SMAP1: variants seen among roughly 807,000 people sequenced by gnomAD.
SMAP1 encodes stromal membrane-associated protein 1.
SMAP1 carries 24 observed loss-of-function variants against 58.5 expected under a neutral mutation model. The observed-to-expected ratio is 0.41, with a 90% CI of 0.30 to 0.58. The LOEUF (loss-of-function observed/expected upper bound fraction) is 0.58, where lower values mean the gene tolerates loss of function less well. SMAP1 is among the 20% of genes least tolerant of loss of function. SMAP1 has a pLI of 0.29. For missense variants in SMAP1, 563 were observed against 566.3 expected, an observed-to-expected ratio of 0.99 and a Z score of 0.06; for synonymous variants, 216 against 196.6, an observed-to-expected ratio of 1.10 and a Z score of -0.82.
chr6:70,765,615 A>C (rs1302684995), intron 3 of SMAP1, among the ~76,000 whole-genome samples: 2 of 152,160 alleles, frequency 1.3e-5, no homozygotes, highest in Non-Finnish European at 2.9e-5. Context: ...AAAAACAACA[A>C]ATATGATGGG....
At chr6:70,858,991 G>A (rs923306177) in intron 10 of SMAP1, 1 of 180,598 alleles carries the variant, frequency 5.5e-6, no homozygotes, top group Non-Finnish European at 1.2e-5. Context: ...TCTTAGAGAG[G>A]TTCATGCTCC....
intron 1 of SMAP1, among the ~76,000 whole-genome samples, chr6:70,669,021 A>G (rs77394712): frequency 0.02 from 3,011 of 152,268 alleles, 88 homozygotes; most frequent in African/African-American, 0.069. Context: ...TCAGCCTTTG[A>G]AACAGATATA....
intron 7 of SMAP1, chr6:70,837,664 CTCTCT>C: frequency 2.6e-6 from 1 of 391,788 alleles, no homozygotes; most frequent in Non-Finnish European, 3.5e-6. Context: ...GCTTCTCTCT[CTCTCT>C]TTTTTTTTTT....
At chr6:70,710,200 G>T (rs1251902220) in intron 1 of SMAP1, among the ~76,000 whole-genome samples, 3 of 151,932 alleles carry the variant, frequency 2.0e-5, no homozygotes, top group Admixed American at 2.0e-4. Flanking sequence ...TGCTATAAAA[G>T]ATAAAAAACA....
At chr6:70,745,838 C>G (rs1462835659) in intron 2 of SMAP1, among the ~76,000 whole-genome samples, 2 of 152,176 alleles carry the variant, frequency 1.3e-5, no homozygotes, top group Admixed American at 6.5e-5. Context: ...TTTATGTCCT[C>G]TTTTATTTCG....
intron 1 of SMAP1, among the ~76,000 whole-genome samples, chr6:70,673,844 G>T (rs909600726): frequency 3.9e-5 from 6 of 152,114 alleles, no homozygotes; most frequent in African/African-American, 1.4e-4. Context: ...TTTAAAACTT[G>T]GGCTGCATGT....
chr6:70,714,938 C>T (rs959014416), intron 1 of SMAP1, among the ~76,000 whole-genome samples: 7 of 152,076 alleles, frequency 4.6e-5, no homozygotes, highest in Non-Finnish European at 8.8e-5. Flanking sequence ...CTATTCCCTT[C>T]AGCCTGCAAG....
chr6:70,817,048 G>A (rs755598199), intron 6 of SMAP1, among the ~76,000 whole-genome samples: 56 of 151,054 alleles, frequency 3.7e-4, no homozygotes, highest in Non-Finnish European at 7.2e-4. Context: ...ACTTCCAATC[G>A]GTAGATTTTA....
chr6:70,706,689 A>G (rs566078593), intron 1 of SMAP1, among the ~76,000 whole-genome samples: 57 of 152,268 alleles, frequency 3.7e-4, no homozygotes, highest in African/African-American at 1.4e-3. Context: ...ATGAAAAAAT[A>G]TATTAAACTT....
intron 1 of SMAP1, among the ~76,000 whole-genome samples, chr6:70,724,462 C>G (rs994545312): frequency 6.6e-6 from 1 of 152,204 alleles, no homozygotes; most frequent in Non-Finnish European, 1.5e-5. Flanking sequence ...TCCCAGAGTG[C>G]TGGGATTACA....
chr6:70,783,819 C>T (rs1288502247), intron 4 of SMAP1, among the ~76,000 whole-genome samples: 8 of 152,292 alleles, frequency 5.3e-5, no homozygotes, highest in Admixed American at 6.5e-5. Context: ...ACGAAATCTA[C>T]GCCTGATTGG....
chr6:70,756,959 A>G (rs915477244), intron 3 of SMAP1, among the ~76,000 whole-genome samples: 8 of 152,130 alleles, frequency 5.3e-5, no homozygotes, highest in African/African-American at 1.4e-4. Context: ...TGATTTACAG[A>G]TTCAATGCCA....
intron 1 of SMAP1, among the ~76,000 whole-genome samples, chr6:70,712,122 G>A (rs898926464): frequency 2.0e-5 from 3 of 152,078 alleles, no homozygotes; most frequent in Non-Finnish European, 4.4e-5. Context: ...TTATTCTGTC[G>A]AAAGTTTTTA....
At chr6:70,694,827 T>TC (rs1169916381) in intron 1 of SMAP1, among the ~76,000 whole-genome samples, 2 of 152,350 alleles carry the variant, frequency 1.3e-5, no homozygotes, top group Admixed American at 6.5e-5. Flanking sequence ...GAGGATAATG[T>TC]CTGTTGTTTA....
chr6:70,785,169 A>G (rs1350729433), intron 4 of SMAP1, among the ~76,000 whole-genome samples: 1 of 152,236 alleles, frequency 6.6e-6, no homozygotes, highest in Non-Finnish European at 1.5e-5. Flanking sequence ...CCGCTCAGCT[A>G]CATGGAAACT....
chr6:70,677,093 A>C lies in SMAP1; in HGVS notation c.118+8952A>C, dbSNP rs550005232. ...GGTGTGAGCCACCTCACCTTGCGTA[A>C]ACTTTATTTTAGAAACTTACTGAGT... is the stretch of plus-strand genomic sequence containing the variant. On this transcript the variant is annotated intron_variant, in intron 1 of 10. Coordinates refer to ENST00000370455, the MANE Select transcript of SMAP1 (RefSeq NM_001044305.3). Among the ~76,000 whole-genome samples, 14 of 152,006 alleles carry C rather than the reference A, an allele frequency of 9.2e-5. No individual in the cohort carries two copies. In the South Asian group the frequency reaches 2.9e-3, roughly 32 times the overall value.
chr6:70,762,194 C>T (rs950525454), intron 3 of SMAP1, among the ~76,000 whole-genome samples: 2 of 152,138 alleles, frequency 1.3e-5, no homozygotes, highest in African/African-American at 2.4e-5. Context: ...TCTTTGCCCT[C>T]TAGTACTGAA....
In SMAP1 at chr6:70,861,732, A is replaced by C. The variant is rs1454838282; in HGVS notation, c.*1398A>C. ...TGGCTAGATTAACCTTCTCTGTCCG[A>C]GTGTGCCACACGAGAACCTGAAGGG... On this transcript the variant is annotated 3_prime_UTR_variant, in exon 11 of 11. Transcript: ENST00000370455. 6.2e-7 allele frequency: 1 copy of C among 1,614,070 alleles called. No homozygotes were observed. Among genetic ancestry groups the C allele is most frequent in the Non-Finnish European group, 8.5e-7 (1 of 1,179,990 alleles).
Position 70,811,437 on chromosome 6 carries a change from G to A in SMAP1, c.576+12700G>A, listed in dbSNP as rs550607144. Among the ~76,000 whole-genome samples the A allele has an allele frequency of 3.9e-5, 6 of 152,110 alleles. No individual in the cohort carries two copies. In the South Asian group the frequency reaches 1.2e-3, roughly 32 times the overall value. ...TTCAAAATCTAGATCCATGAAACTG[G>A]GTCTCGATAGAAGAATGAAAACCTG... On this transcript the variant is annotated intron_variant, in intron 6 of 10. Coordinates refer to ENST00000370455, the MANE Select transcript of SMAP1 (RefSeq NM_001044305.3).
Sources: allele counts gnomAD v4.1 joint callset (sites outside exome capture counted in the v4.1 genomes callset), GRCh38; gene constraint gnomAD v4.1.1; transcripts MANE v1.5; gene names NCBI Gene and HGNC (gene_info 2026-07-23, HGNC 2026-07-21).